The following PKD2L1 variants were observed in gnomAD, a reference collection of about 807,000 sequenced individuals.
PKD2L1 encodes the protein polycystin 2 like 1, transient receptor potential cation channel, also known as polycystin-2-like protein 1.
PKD2L1 carries 77 observed loss-of-function variants against 93.0 expected under a neutral mutation model. That is an observed-to-expected ratio of 0.83 (90% CI 0.69 to 1.00). PKD2L1 has a LOEUF of 1.00. Ranked by LOEUF, PKD2L1 falls within the 50% of genes least tolerant of loss-of-function variation. The pLI, the probability that PKD2L1 is intolerant of heterozygous loss-of-function variation, is 0.00. For synonymous variants in PKD2L1, 390 were observed against 388.0 expected (o/e 1.01, Z -0.06); for missense variants, 977 against 990.9 (o/e 0.99, Z 0.19).
intron 2 of PKD2L1, among the ~76,000 whole-genome samples, chr10:100,322,614 C>A (rs1849286623): frequency 6.6e-6 from 1 of 152,058 alleles, no homozygotes; most frequent in Admixed American, 6.5e-5. Flanking sequence ...TAGTGGTAGC[C>A]AACTATATTT....
rs200777805 is a variant in PKD2L1, at chr10:100,296,034, CAAAAAAAA to C, written c.1356+80_1356+87del. Reference sequence around the variant, plus strand: ...CCTGGGCAAGAGCGAGACTCCATCTCAAAAAAAAAAAAAAGAAAAAAAAGAAAAGAAAA... The same window carrying C: ...CCTGGGCAAGAGCGAGACTCCATCTCAAAAAAGAAAAAAAAGAAAAGAAAA... On this transcript the variant is annotated intron_variant, in intron 7 of 15. Coordinates refer to ENST00000318222, the MANE Select transcript of PKD2L1 (RefSeq NM_016112.3). 6 of 980,522 alleles carry C rather than the reference CAAAAAAAA, an allele frequency of 6.1e-6. No homozygotes were observed. In the African/African-American group the frequency reaches 1.2e-4, roughly 19 times the overall value. The allele number at this position is 980,522 out of a possible 1,614,324, so 60.7% of individuals were successfully genotyped here.
intron 4 of PKD2L1, among the ~76,000 whole-genome samples, chr10:100,298,310 G>A (rs1848597598): frequency 1.3e-5 from 2 of 152,236 alleles, no homozygotes; most frequent in Non-Finnish European, 2.9e-5. Context: ...TAGGACAAGT[G>A]TGATTGCAAC....
chr10:100,304,554 C>T (rs894647743), intron 2 of PKD2L1, among the ~76,000 whole-genome samples: 2 of 151,964 alleles, frequency 1.3e-5, no homozygotes, highest in African/African-American at 2.4e-5. Context: ...AGTGGGGTGG[C>T]ACTATCATAG....
rs1380790519 is a variant in PKD2L1, at chr10:100,330,081, T to A, written c.23A>T (p.Glu8Val). Residue 8 changes from glutamate (E) to valine (V), a missense_variant, in exon 1 of 16, where the codon GAG (glutamate) becomes GTG (valine). Physicochemically the swap from Glu to Val is moderately radical, Grantham distance 121 (BLOSUM62 -2). Transcript: ENST00000318222. The part of the protein sequence containing the change: MNAVGSP[E>V]GQELQKLGSG... ...CCCCAGCTTTTGCAGCTCCTGCCCCTCAGGACTTCCCACAGCATTCATGGG... is the reference window on the plus strand; with the variant it reads ...CCCCAGCTTTTGCAGCTCCTGCCCCACAGGACTTCCCACAGCATTCATGGG... The A allele has an allele frequency of 1.2e-5, 19 of 1,592,876 alleles. No individual in the cohort carries two copies. Among genetic ancestry groups the A allele is most frequent in the Non-Finnish European group, 1.6e-5 (19 of 1,167,450 alleles).
chr10:100,316,844 T>C (rs776067253), intron 2 of PKD2L1, among the ~76,000 whole-genome samples: 1 of 152,216 alleles, frequency 6.6e-6, no homozygotes, highest in African/African-American at 2.4e-5. Flanking sequence ...CTCAGCACTT[T>C]GGGAAGTCAA....
chr10:100,323,489 G>A (rs975911663), intron 2 of PKD2L1, among the ~76,000 whole-genome samples: 1 of 152,134 alleles, frequency 6.6e-6, no homozygotes, highest in Non-Finnish European at 1.5e-5. Context: ...GGCTGGTCTC[G>A]AACTCCTGAT....
intron 2 of PKD2L1, among the ~76,000 whole-genome samples, chr10:100,326,843 C>A (rs752009580): frequency 2.0e-5 from 3 of 152,132 alleles, no homozygotes. Flanking sequence ...AAATTTGGAG[C>A]CCATGCCTTC....
intron 2 of PKD2L1, among the ~76,000 whole-genome samples, chr10:100,325,335 A>G (rs1029374429): frequency 6.6e-6 from 1 of 152,152 alleles, no homozygotes; most frequent in African/African-American, 2.4e-5. Flanking sequence ...TGGAGAGCTG[A>G]GACATCAGCG....
chr10:100,311,827 A>G (rs1848940744), intron 2 of PKD2L1, among the ~76,000 whole-genome samples: 1 of 152,198 alleles, frequency 6.6e-6, no homozygotes, highest in South Asian at 2.1e-4. Context: ...TTACATGTCT[A>G]TACTAGTCGA....
intron 2 of PKD2L1, among the ~76,000 whole-genome samples, chr10:100,318,256 A>G (rs1350740520): frequency 1.3e-5 from 2 of 152,102 alleles, no homozygotes; most frequent in African/African-American, 4.8e-5. Flanking sequence ...ACCTTATTTC[A>G]TAGTTTTCAA....
At chr10:100,294,386 C>T in intron 9 of PKD2L1, 149 bp downstream of exon 9, 2 of 804,708 alleles carry the variant, frequency 2.5e-6, no homozygotes, top group Admixed American at 4.7e-5. Flanking sequence ...ACTACATTAA[C>T]CATCTCTCAG....
chr10:100,316,490 A>C (rs1409533833), intron 2 of PKD2L1, among the ~76,000 whole-genome samples: 2 of 152,112 alleles, frequency 1.3e-5, no homozygotes, highest in Admixed American at 1.3e-4. Context: ...GTATTTCAAA[A>C]CCCTCAGCAC....
At chr10:100,318,618 A>G (rs1304320661) in intron 2 of PKD2L1, among the ~76,000 whole-genome samples, 1 of 150,474 alleles carries the variant, frequency 6.6e-6, no homozygotes, top group East Asian at 1.9e-4. Context: ...TCCTAGGTTC[A>G]TACCATTCTC....
At position 100,330,006 on chromosome 10, in the gene PKD2L1, C is replaced by T. The variant is rs763515748; in HGVS notation, c.98G>A (p.Gly33Glu). ...PAYSGPPSPH[G>E]TLRVCTISST... Reference sequence around the variant, plus strand: ...GGAGATGGTGCAGACTCTCAGCGTCCCGTGTGGGGAAGGGGGACCACTGTA... The same window carrying T: ...GGAGATGGTGCAGACTCTCAGCGTCTCGTGTGGGGAAGGGGGACCACTGTA... Residue 33 changes from glycine (G) to glutamate (E), a missense_variant, in exon 1 of 16, where the codon GGG becomes GAG. Transcript: ENST00000318222. 4.2e-5 allele frequency: 68 copies of T among 1,613,778 alleles called. 1 individual carries two copies. The South Asian group carries it at 7.1e-4, about 17-fold the overall frequency.
intron 2 of PKD2L1, among the ~76,000 whole-genome samples, chr10:100,315,105 GGAAGGGAAGGGAAGA>G: frequency 7.4e-6 from 1 of 134,256 alleles, no homozygotes; most frequent in Admixed American, 7.5e-5. Context: ...GGAAGGGAAG[GGAAGGGAAGGGAAGA>G]GAAAACAGTT....
At chr10:100,320,839 A>C (rs1849210797) in intron 2 of PKD2L1, among the ~76,000 whole-genome samples, 2 of 152,248 alleles carry the variant, frequency 1.3e-5, no homozygotes, top group Admixed American at 1.3e-4. Context: ...AATCCCTTAC[A>C]GAGGCAAAAT....
chr10:100,298,674 T>C lies in PKD2L1; in HGVS notation c.619A>G (p.Asn207Asp), dbSNP rs1361016034. The C allele has an allele frequency of 6.2e-7, 1 of 1,614,160 alleles. No individual in the cohort carries two copies. Among genetic ancestry groups the C allele is most frequent in the Non-Finnish European group, 8.5e-7 (1 of 1,180,028 alleles). Residue 207 changes from asparagine to aspartate, a missense_variant, in exon 4 of 16, where the codon AAT becomes GAT. Transcript: ENST00000318222. ...TCTTCATGCACCACACAGGAGTCATTGCGGACCTTTAGCTGCCGCAGCCTC... is the reference window on the plus strand; with the variant it reads ...TCTTCATGCACCACACAGGAGTCATCGCGGACCTTTAGCTGCCGCAGCCTC... ...VPRLRQLKVRNDSCVVHEDFR... is the reference protein window; with the variant it reads ...VPRLRQLKVRDDSCVVHEDFR...
intron 2 of PKD2L1, among the ~76,000 whole-genome samples, chr10:100,313,848 T>G (rs544356175): frequency 6.6e-6 from 1 of 152,310 alleles, no homozygotes; most frequent in African/African-American, 2.4e-5. Context: ...GCAGACAGAT[T>G]TGGTCACCCC....
intron 11 of PKD2L1, among the ~76,000 whole-genome samples, chr10:100,292,713 C>G (rs1422658701): frequency 6.6e-6 from 1 of 152,038 alleles, no homozygotes; most frequent in Non-Finnish European, 1.5e-5. Flanking sequence ...ACATTGTTTC[C>G]TAAGAGTTGT....
Sources: gnomAD v4.1 joint callset for allele counts (sites outside exome capture counted in the v4.1 genomes callset) on GRCh38, gnomAD v4.1.1 for gene constraint, MANE v1.5 for transcripts, NCBI Gene and HGNC (gene_info 2026-07-23, HGNC 2026-07-21) for gene names.